TAX1BP1: variants seen among roughly 807,000 people sequenced by gnomAD.
TAX1BP1 encodes the protein tax1-binding protein 1.
In TAX1BP1, 62 loss-of-function variants were observed where a neutral mutation model predicts 97.7. The ratio of observed to expected loss-of-function variants is 0.63; its 90% CI spans 0.52 to 0.78. TAX1BP1 has a LOEUF of 0.78. TAX1BP1 is among the 30% of genes least tolerant of loss of function. TAX1BP1 has a pLI of 0.00. For missense variants in TAX1BP1, 867 were observed against 916.1 expected (o/e 0.95, Z 0.69); for synonymous variants, 340 against 304.2 (o/e 1.12, Z -1.23).
At chr7:27,805,278 C>CT (rs1377596351) in intron 13 of TAX1BP1, among the ~76,000 whole-genome samples, 8 of 152,064 alleles carry the variant, frequency 5.3e-5, no homozygotes, top group African/African-American at 1.9e-4. Context: ...AACATCTTAT[C>CT]TTTTTTGTGA....
chr7:27,752,350 G>T (rs538680990), intron 2 of TAX1BP1, among the ~76,000 whole-genome samples: 1 of 152,180 alleles, frequency 6.6e-6, no homozygotes, highest in South Asian at 2.1e-4. Flanking sequence ...TGCTACTGTG[G>T]AATAATGTCA....
chr7:27,803,941 G>C (rs1255534887), intron 13 of TAX1BP1, among the ~76,000 whole-genome samples: 1 of 152,126 alleles, frequency 6.6e-6, no homozygotes, highest in Non-Finnish European at 1.5e-5. Context: ...ATTCAGACTT[G>C]GGTATTTGAC....
At chr7:27,801,265 C>A in intron 13 of TAX1BP1, among the ~76,000 whole-genome samples, 1 of 146,366 alleles carries the variant, frequency 6.8e-6, no homozygotes. Context: ...TTACTGAAGA[C>A]CAGGAATTCT....
rs1286626664 is a variant in TAX1BP1 at position 27,828,907 on chromosome 7, A to G, written c.*78A>G. Reference sequence around the variant, plus strand: ...CCACACCTAAAATAGACCACTGAGGAGACCATAGAGCGGATGCTTTCATGC... The same window carrying G: ...CCACACCTAAAATAGACCACTGAGGGGACCATAGAGCGGATGCTTTCATGC... On this transcript the variant is annotated 3_prime_UTR_variant, in exon 17 of 17. Coordinates refer to ENST00000396319, the MANE Select transcript of TAX1BP1 (RefSeq NM_006024.7). 2.5e-6 allele frequency: 3 copies of G among 1,220,044 alleles called. No homozygotes were observed. Among genetic ancestry groups the G allele is most frequent in the Non-Finnish European group, 3.4e-6 (3 of 877,830 alleles). 75.6% of individuals were successfully genotyped at this position (1,220,044 alleles called of 1,614,324 possible).
chr7:27,800,341 T>C (rs1203034414), intron 13 of TAX1BP1, among the ~76,000 whole-genome samples: 1 of 152,198 alleles, frequency 6.6e-6, no homozygotes, highest in Non-Finnish European at 1.5e-5. Context: ...ATTACATCTT[T>C]TAATTGTGTT....
intron 3 of TAX1BP1, among the ~76,000 whole-genome samples, chr7:27,762,769 C>G (rs527310845): frequency 6.6e-6 from 1 of 152,060 alleles, no homozygotes; most frequent in South Asian, 2.1e-4. Flanking sequence ...GGCAATTTGG[C>G]AAAACTTCAT....
chr7:27,776,381 T>A (rs1789033903), intron 5 of TAX1BP1, among the ~76,000 whole-genome samples: 1 of 152,286 alleles, frequency 6.6e-6, no homozygotes, highest in Non-Finnish European at 1.5e-5. Flanking sequence ...GGAAAAGTCT[T>A]ATTTTACCTT....
At chr7:27,805,128 G>A (rs572344797) in intron 13 of TAX1BP1, among the ~76,000 whole-genome samples, 85 of 152,126 alleles carry the variant, frequency 5.6e-4, no homozygotes, top group Non-Finnish European at 8.1e-4. Flanking sequence ...ATTATTTTTC[G>A]TTTCCACCAG....
intron 2 of TAX1BP1, among the ~76,000 whole-genome samples, chr7:27,751,223 A>T (rs368727948): frequency 2.6e-5 from 4 of 152,116 alleles, no homozygotes; most frequent in Non-Finnish European, 5.9e-5. Context: ...TACCCTTTCC[A>T]TCCTTTTTGC....
intron 2 of TAX1BP1, among the ~76,000 whole-genome samples, chr7:27,754,344 A>T (rs1441077816): frequency 6.0e-5 from 9 of 149,878 alleles, no homozygotes; most frequent in East Asian, 3.9e-4. Flanking sequence ...TTCTGTTTTT[A>T]AAAAAAGTCC....
chr7:27,775,396 T>G (rs1788993297), intron 5 of TAX1BP1, among the ~76,000 whole-genome samples: 1 of 152,286 alleles, frequency 6.6e-6, no homozygotes, highest in African/African-American at 2.4e-5. Flanking sequence ...AATTGAAGGA[T>G]CATATGTATT....
At chr7:27,750,079 C>T (rs1356191044) in intron 2 of TAX1BP1, among the ~76,000 whole-genome samples, 1 of 152,142 alleles carries the variant, frequency 6.6e-6, no homozygotes, top group African/African-American at 2.4e-5. Context: ...GTGTGAGCCA[C>T]CGCACCTGGC....
At chr7:27,794,291 C>T (rs1475042179) in intron 10 of TAX1BP1, 32 bp from the exon 11 acceptor site, 2 of 1,552,482 alleles carry the variant, frequency 1.3e-6, no homozygotes, top group Non-Finnish European at 8.8e-7. Context: ...AATTCATTGA[C>T]TCATTTAACA....
intron 3 of TAX1BP1, among the ~76,000 whole-genome samples, chr7:27,762,419 T>C (rs1788461290): frequency 6.6e-6 from 1 of 152,106 alleles, no homozygotes; most frequent in African/African-American, 2.4e-5. Context: ...ACTTATTTTT[T>C]AAGTGGTGAC....
chr7:27,823,264 T>G (rs1198116948), intron 15 of TAX1BP1, among the ~76,000 whole-genome samples: 1 of 152,186 alleles, frequency 6.6e-6, no homozygotes, highest in African/African-American at 2.4e-5. Context: ...TCTCTTGTTT[T>G]AAATAAAAGT....
chr7:27,763,733 A>G (rs1048446601), intron 3 of TAX1BP1, among the ~76,000 whole-genome samples: 1 of 151,600 alleles, frequency 6.6e-6, no homozygotes, highest in Non-Finnish European at 1.5e-5. Context: ...AGGCCACTGC[A>G]CTCCAGCCTG....
intron 1 of TAX1BP1, among the ~76,000 whole-genome samples, chr7:27,740,761 A>C (rs181361887): frequency 6.6e-6 from 1 of 152,170 alleles, no homozygotes; most frequent in Non-Finnish European, 1.5e-5. Context: ...AGAGAAACCC[A>C]GCTGTTTTGG....
chr7:27,765,718 C>T, intron 3 of TAX1BP1, 116 bp from the exon 4 acceptor site: 1 of 891,624 alleles, frequency 1.1e-6, no homozygotes. Flanking sequence ...AGGACATATC[C>T]CAGATTCTTG....
chr7:27,799,526 C>T (rs1790055279), intron 12 of TAX1BP1, among the ~76,000 whole-genome samples: 1 of 152,024 alleles, frequency 6.6e-6, no homozygotes, highest in African/African-American at 2.4e-5. Flanking sequence ...TTGTAGTGTT[C>T]CAGAAATGAA....
Sources: gnomAD v4.1 joint callset for allele counts (sites outside exome capture counted in the v4.1 genomes callset) on GRCh38, gnomAD v4.1.1 for gene constraint, MANE v1.5 for transcripts, NCBI Gene and HGNC (gene_info 2026-07-23, HGNC 2026-07-21) for gene names.